NRXN3: variants seen among roughly 807,000 people sequenced by gnomAD.
NRXN3 encodes the protein neurexin III.
Under a neutral mutation model 137.6 loss-of-function variants are expected in NRXN3, and 32 were observed. The ratio of observed to expected loss-of-function variants is 0.23; its 90% CI spans 0.18 to 0.31. The LOEUF (loss-of-function observed/expected upper bound fraction) is 0.31. Among genes scored for constraint, NRXN3 ranks in the 10% least tolerant of loss-of-function variants. The pLI, the probability that NRXN3 is intolerant of heterozygous loss-of-function variation, is 1.00. For missense variants in NRXN3, 1,574 were observed against 2,062.5 expected (o/e 0.76, Z 4.59); for synonymous variants, 798 against 784.5 (o/e 1.02, Z -0.29).
At chr14:79,753,448 T>C (rs2154091904) in intron 19 of NRXN3, among the ~76,000 whole-genome samples, 1 of 151,820 alleles carries the variant, frequency 6.6e-6, no homozygotes, top group East Asian at 2.0e-4. Context: ...GAAATCATCT[T>C]TCTCAGCAAA....
intron 4 of NRXN3, among the ~76,000 whole-genome samples, chr14:78,371,320 G>A (rs117534504): frequency 0.025 from 3,856 of 152,234 alleles, 67 homozygotes; most frequent in Non-Finnish European, 0.034. Flanking sequence ...CTTCGGAGAG[G>A]AGCTCAGCAG....
intron 16 of NRXN3, among the ~76,000 whole-genome samples, chr14:79,609,456 C>T (rs1257454670): frequency 2.6e-5 from 4 of 152,084 alleles, no homozygotes. Context: ...ATTTGAATCC[C>T]CGGCAGAGTA....
intron 19 of NRXN3, among the ~76,000 whole-genome samples, chr14:79,702,370 G>A (rs2098757802): frequency 6.6e-6 from 1 of 152,036 alleles, no homozygotes; most frequent in Non-Finnish European, 1.5e-5. Context: ...ATATGAAGTA[G>A]TGACTCATGA....
chr14:78,410,235 C>A (rs562472908), intron 4 of NRXN3, among the ~76,000 whole-genome samples: 1 of 152,212 alleles, frequency 6.6e-6, no homozygotes, highest in Non-Finnish European at 1.5e-5. Context: ...ACCAGTAAGT[C>A]TCTGAGGAAA....
intron 16 of NRXN3, among the ~76,000 whole-genome samples, chr14:79,625,739 C>A (rs2098274682): frequency 6.6e-6 from 1 of 152,196 alleles, no homozygotes; most frequent in African/African-American, 2.4e-5. Flanking sequence ...TGAATATGCT[C>A]CTTTATTCCC....
chr14:79,212,566 G>A (rs1002058936), intron 15 of NRXN3, among the ~76,000 whole-genome samples: 1 of 152,136 alleles, frequency 6.6e-6, no homozygotes, highest in Non-Finnish European at 1.5e-5. Context: ...TGCCAGGCCT[G>A]TTAATACCTA....
At chr14:78,864,668 A>G (rs529898970) in intron 10 of NRXN3, among the ~76,000 whole-genome samples, 2 of 152,260 alleles carry the variant, frequency 1.3e-5, no homozygotes, top group African/African-American at 4.8e-5. Flanking sequence ...AATTAATATA[A>G]TTTTTATGTG....
intron 19 of NRXN3, among the ~76,000 whole-genome samples, chr14:79,801,393 G>A (rs538204262): frequency 8.4e-4 from 128 of 152,298 alleles, no homozygotes; most frequent in African/African-American, 2.8e-3. Flanking sequence ...GGGGTAAATC[G>A]TAACAAATAG....
intron 8 of NRXN3, among the ~76,000 whole-genome samples, chr14:78,756,255 A>C (rs927692421): frequency 3.3e-5 from 5 of 152,168 alleles, no homozygotes; most frequent in Admixed American, 1.3e-4. Flanking sequence ...TAGGAGGCTG[A>C]GGTGGGCAGA....
intron 20 of NRXN3, among the ~76,000 whole-genome samples, chr14:79,850,796 G>A (rs1219109812): frequency 1.3e-5 from 2 of 152,138 alleles, no homozygotes; most frequent in Non-Finnish European, 2.9e-5. Flanking sequence ...CTATTAGCAA[G>A]CAATGTCATT....
chr14:79,682,417 G>C (rs1251091808), intron 17 of NRXN3, among the ~76,000 whole-genome samples: 1 of 152,168 alleles, frequency 6.6e-6, no homozygotes, highest in Non-Finnish European at 1.5e-5. Context: ...GGCATCCCCT[G>C]AGGTTATTTC....
At chr14:79,173,530 C>CAAAAAA (rs57188919) in intron 15 of NRXN3, among the ~76,000 whole-genome samples, 72 of 90,980 alleles carry the variant, frequency 7.9e-4, no homozygotes, top group African/African-American at 2.4e-3. Flanking sequence ...GACCTTGTCT[C>CAAAAAA]AAAAAAAAAA....
chr14:78,689,631 A>C (rs1300756337), intron 6 of NRXN3, among the ~76,000 whole-genome samples: 1 of 152,198 alleles, frequency 6.6e-6, no homozygotes, highest in Non-Finnish European at 1.5e-5. Context: ...GTTGGCTATA[A>C]TAAACATATG....
intron 1 of NRXN3, among the ~76,000 whole-genome samples, chr14:78,214,507 T>A (rs1162638062): frequency 3.3e-5 from 5 of 151,072 alleles, no homozygotes; most frequent in Non-Finnish European, 5.9e-5. Flanking sequence ...AGGGGCTACC[T>A]CTGTCTTTGC....
intron 4 of NRXN3, among the ~76,000 whole-genome samples, chr14:78,463,874 A>AT (rs1414509329): frequency 6.6e-6 from 1 of 151,334 alleles, no homozygotes; most frequent in East Asian, 1.9e-4. Flanking sequence ...GCCACATATT[A>AT]TTTTATATAT....
chr14:79,748,533 C>T lies in NRXN3; in HGVS notation c.4014+50596C>T, dbSNP rs141725817. On this transcript the variant is annotated intron_variant, in intron 19 of 20. Coordinates refer to ENST00000335750, the MANE Select transcript of NRXN3 (RefSeq NM_001330195.2). ...CTAATACACAGTATATTTATGATCCCCTTCTGACAACCCCTTGAAGAGTTG... is the reference window on the plus strand; with the variant it reads ...CTAATACACAGTATATTTATGATCCTCTTCTGACAACCCCTTGAAGAGTTG... Among the ~76,000 whole-genome samples the T allele has an allele frequency of 3.9e-5, 6 of 152,128 alleles. No individual in the cohort carries two copies. In the East Asian group the frequency reaches 9.7e-4, roughly 25 times the overall value.
chr14:79,240,339 AAAG>A (rs1319046027), intron 15 of NRXN3, among the ~76,000 whole-genome samples: 2 of 152,160 alleles, frequency 1.3e-5, no homozygotes, highest in South Asian at 2.1e-4. Flanking sequence ...TTCAGGCCCC[AAAG>A]AAGTTTTCCT....
intron 4 of NRXN3, among the ~76,000 whole-genome samples, chr14:78,455,232 A>G (rs1031709239): frequency 2.0e-5 from 3 of 152,084 alleles, no homozygotes; most frequent in African/African-American, 7.2e-5. Context: ...CCCTCCTTCT[A>G]TACTTCCACA....
rs368987244 is a variant in NRXN3 at position 78,593,339 on chromosome 14, G to A, written c.758-51781G>A. Among the ~76,000 whole-genome samples the A allele has an allele frequency of 4.5e-4, 68 of 152,256 alleles. 2 individuals carry two copies. In the South Asian group the frequency reaches 0.013, roughly 29 times the overall value. On this transcript the variant is annotated intron_variant, in intron 4 of 20. Coordinates refer to ENST00000335750, the MANE Select transcript of NRXN3 (RefSeq NM_001330195.2). Reference sequence around the variant, plus strand: ...AAGATAAAATGCCTTCTCTGAAAGCGTCCCTCTAGAATGAGCATGGAGGCC... The same window carrying A: ...AAGATAAAATGCCTTCTCTGAAAGCATCCCTCTAGAATGAGCATGGAGGCC...
Sources: allele counts gnomAD v4.1 joint callset (sites outside exome capture counted in the v4.1 genomes callset), GRCh38; gene constraint gnomAD v4.1.1; transcripts MANE v1.5; gene names NCBI Gene and HGNC (gene_info 2026-07-23, HGNC 2026-07-21).